LUC7L3: variants seen among roughly 807,000 people sequenced by gnomAD.
LUC7L3 encodes the protein LUC7 like 3 pre-mRNA splicing factor, also known as luc7-like protein 3.
In LUC7L3, 6 loss-of-function variants were observed where a neutral mutation model predicts 66.8. The ratio of observed to expected loss-of-function variants is 0.09; its 90% confidence interval spans 0.05 to 0.18. The LOEUF is 0.18. Ranked by LOEUF, LUC7L3 falls within the 10% of genes least tolerant of loss-of-function variation. The pLI is 1.00. For missense variants in LUC7L3, 341 were observed against 531.1 expected (o/e 0.64, Z 3.52); for synonymous variants, 160 against 174.7 (o/e 0.92, Z 0.66).
chr17:50,745,767 A>G lies in LUC7L3; in HGVS notation c.741A>G (p.Leu247=), dbSNP rs1428997031. ...AAGAACCTGATCGTGATGAGCGTCT[A>G]AAAAAGGAGAAGCAAGAAAGAGAAG... ...RTEEPDRDER[L]KKEKQEREER... Residue 247 remains leucine (L), a synonymous_variant, in exon 8 of 10, where the codon CTA becomes CTG. Transcript: ENST00000505658. 3 of 1,595,200 alleles carry G rather than the reference A, an allele frequency of 1.9e-6. No individual in the cohort carries two copies. The highest frequency in any genetic ancestry group is 8.5e-7 in the Non-Finnish European group (1 of 1,174,162).
chr17:50,746,573 G>A lies in LUC7L3; in HGVS notation c.1009G>A (p.Asp337Asn). 6.2e-7 allele frequency: 1 copy of A among 1,614,020 alleles called. No individual in the cohort carries two copies. Among genetic ancestry groups the A allele is most frequent in the South Asian group, 1.1e-5 (1 of 91,058 alleles). ...SRDRRRSRSH[D>N]RSERKHRSRS... Reference sequence around the variant, plus strand: ...AGATCGACGAAGAAGCAGAAGCCATGATCGATCAGAAAGAAAACACAGATC... The same window carrying A: ...AGATCGACGAAGAAGCAGAAGCCATAATCGATCAGAAAGAAAACACAGATC... The change falls in exon 9 of 10, where the codon GAT becomes AAT. Residue 337 changes from aspartate (D) to asparagine (N), a missense_variant. This residue lies in a region of LUC7L3 where 210 missense variants were observed against 238.1 expected (regional missense o/e 0.88). Transcript: ENST00000505658.
intron 6 of LUC7L3, among the ~76,000 whole-genome samples, 183 bp from the exon 7 acceptor site, chr17:50,744,469 A>G (rs1371872633): frequency 6.6e-6 from 1 of 152,230 alleles, no homozygotes; most frequent in Non-Finnish European, 1.5e-5. Context: ...TCAGTAAGTT[A>G]GTTGCTGTTA....
At chr17:50,744,845 C>T (rs748957968) in intron 7 of LUC7L3, 32 bp downstream of exon 7, 3 of 1,585,334 alleles carry the variant, frequency 1.9e-6, no homozygotes, top group Non-Finnish European at 2.6e-6. Flanking sequence ...GAGGCAGATT[C>T]TTGCTCTGTC....
At chr17:50,726,764 C>T (rs1047689144) in intron 1 of LUC7L3, among the ~76,000 whole-genome samples, 6 of 152,080 alleles carry the variant, frequency 3.9e-5, no homozygotes, top group South Asian at 2.1e-4. Context: ...AAACATTCTA[C>T]AGTGCACATC....
In LUC7L3 at chr17:50,754,615, T is replaced by G. The variant is rs988345573; in HGVS notation, c.*3954T>G. The G allele has an allele frequency of 6.6e-6, 1 of 152,228 alleles. No individual in the cohort carries two copies. The highest frequency in any genetic ancestry group is 1.5e-5 in the Non-Finnish European group (1 of 68,032). 9.4% of individuals were successfully genotyped at this position (152,228 alleles called of 1,614,324 possible). On this transcript the variant is annotated 3_prime_UTR_variant, in exon 10 of 10. Coordinates refer to ENST00000505658, the MANE Select transcript of LUC7L3 (RefSeq NM_016424.5). ...CATCCTCTCCTCTGGAATGTAGAGA[T>G]AATACATATCATGCTCCTTTTTGTT...
chr17:50,724,943 T>G (rs552442680), intron 1 of LUC7L3, among the ~76,000 whole-genome samples: 1 of 151,840 alleles, frequency 6.6e-6, no homozygotes, highest in Non-Finnish European at 1.5e-5. Flanking sequence ...TGTGTTGTTG[T>G]AGAGATGGGG....
At position 50,740,353 on chromosome 17, in the gene LUC7L3, A is replaced by AT. The variant is rs745352221; in HGVS notation, c.206+12dup. On this transcript the variant is annotated intron_variant, in intron 3 of 9. Coordinates refer to ENST00000505658, the MANE Select transcript of LUC7L3 (RefSeq NM_016424.5). ...TGAAAATCTACGAAAACAGTAAGTT[A>AT]TTTTGCTTGTCATTTCCACCCCCCC... 5 of 1,605,830 alleles carry AT rather than the reference A, an allele frequency of 3.1e-6. No homozygotes were observed. The highest frequency in any genetic ancestry group is 4.2e-6 in the Non-Finnish European group (5 of 1,176,862).
chr17:50,728,041 C>A (rs1220607039), intron 1 of LUC7L3, among the ~76,000 whole-genome samples: 1 of 151,550 alleles, frequency 6.6e-6, no homozygotes, highest in South Asian at 2.1e-4. Flanking sequence ...TGGCGTGAAC[C>A]CGGGAGGCGG....
chr17:50,733,880 G>A (rs185117865), intron 1 of LUC7L3, among the ~76,000 whole-genome samples: 240 of 152,304 alleles, frequency 1.6e-3, no homozygotes, highest in Non-Finnish European at 2.5e-3. Context: ...TTAGGTCACA[G>A]TAAAAGTGGC....
At position 50,755,164 on chromosome 17, in the gene LUC7L3, T is replaced by C. The variant is rs549584519; in HGVS notation, c.*4503T>C. 6.6e-6 allele frequency: 1 copy of C among 152,188 alleles called. No homozygotes were observed. Among genetic ancestry groups the C allele is most frequent in the African/African-American group, 2.4e-5 (1 of 41,436 alleles). 9.4% of individuals were successfully genotyped at this position (152,188 alleles called of 1,614,324 possible). ...GGTCTACTTTTGAAATTTTGTATTA[T>C]AATTGTAATGTTGCCCATGGTTAAA... On this transcript the variant is annotated 3_prime_UTR_variant, in exon 10 of 10. Transcript: ENST00000505658.
intron 6 of LUC7L3, 65 bp downstream of exon 6, chr17:50,743,875 T>A: frequency 8.6e-7 from 1 of 1,159,360 alleles, no homozygotes; most frequent in Non-Finnish European, 1.3e-6. Context: ...CTCATTTTTA[T>A]TTGAGAACCT....
At position 50,741,637 on chromosome 17, in the gene LUC7L3, C is replaced by T. The variant is rs200461467; in HGVS notation, c.352-20C>T. On this transcript the variant is annotated intron_variant, in intron 4 of 9. Coordinates refer to ENST00000505658, the MANE Select transcript of LUC7L3 (RefSeq NM_016424.5). ...CTTTGTTTTCAACTTGTTGGTAATA[C>T]GTTTTATTGTCTTCAATAGGCCGCT... 40 of 1,558,452 alleles carry T rather than the reference C, an allele frequency of 2.6e-5. No individual in the cohort carries two copies. Among genetic ancestry groups the T allele is most frequent in the East Asian group, 2.0e-4 (9 of 44,490 alleles).
chr17:50,724,876 C>T (rs1969069039), intron 1 of LUC7L3, among the ~76,000 whole-genome samples: 2 of 151,326 alleles, frequency 1.3e-5, no homozygotes, highest in South Asian at 4.2e-4. Context: ...ATTCTCCTGC[C>T]TCAGCCTCCA....
intron 1 of LUC7L3, among the ~76,000 whole-genome samples, chr17:50,720,431 C>T (rs1968669457): frequency 6.6e-6 from 1 of 152,200 alleles, no homozygotes; most frequent in African/African-American, 2.4e-5. Context: ...TCATTTGATG[C>T]TCTTAGCCCG....
At chr17:50,733,388 C>T (rs1488645329) in intron 1 of LUC7L3, among the ~76,000 whole-genome samples, 4 of 148,684 alleles carry the variant, frequency 2.7e-5, no homozygotes, top group African/African-American at 7.5e-5. Context: ...CCTGCCACCA[C>T]GCCTGGCTAG....
intron 1 of LUC7L3, chr17:50,736,647 TAA>T (rs1403805017): frequency 7.2e-6 from 2 of 278,040 alleles, no homozygotes; most frequent in East Asian, 1.9e-4. Flanking sequence ...TAAGAGTTTT[TAA>T]AAATATAAAA....
intron 1 of LUC7L3, among the ~76,000 whole-genome samples, chr17:50,736,456 A>G (rs1465069674): frequency 6.6e-6 from 1 of 152,236 alleles, no homozygotes; most frequent in African/African-American, 2.4e-5. Flanking sequence ...TTTGCCAGGC[A>G]TGGTGCTTGC....
Position 50,752,188 on chromosome 17 carries a change from T to C in LUC7L3, c.*1527T>C. 1 of 1,284,190 alleles carries C rather than the reference T, an allele frequency of 7.8e-7. No individual in the cohort carries two copies. Among genetic ancestry groups the C allele is most frequent in the South Asian group, 1.3e-5 (1 of 79,838 alleles). The allele number at this position is 1,284,190 out of a possible 1,614,324, so 79.5% of individuals were successfully genotyped here. A position where few individuals can be genotyped will look rare whatever the true frequency, so the allele number is the denominator to read the frequency against. On this transcript the variant is annotated 3_prime_UTR_variant, in exon 10 of 10. Coordinates refer to ENST00000505658, the MANE Select transcript of LUC7L3 (RefSeq NM_016424.5). ...GTCTAATTATCATTTTTCCCCAAAT[T>C]TTGCGTTGTAGGACTACTGTTCGAA...
chr17:50,728,850 G>A (rs1276023397), intron 1 of LUC7L3, among the ~76,000 whole-genome samples: 3 of 152,114 alleles, frequency 2.0e-5, no homozygotes, highest in South Asian at 2.1e-4. Context: ...CACTGCAGCT[G>A]GCTTGTGTTC....
Sources: gnomAD v4.1 joint callset for allele counts (sites outside exome capture counted in the v4.1 genomes callset) on GRCh38, gnomAD v4.1.1 for gene constraint, gnomAD v4.1.1 regional missense constraint, MANE v1.5 for transcripts, NCBI Gene and HGNC (gene_info 2026-07-23, HGNC 2026-07-21) for gene names.